SHTN1: variants seen among roughly 807,000 people sequenced by gnomAD.
SHTN1 encodes the protein shootin 1, also known as shootin-1.
Under a neutral mutation model 83.1 loss-of-function variants are expected in SHTN1, and 42 were observed. The ratio of observed to expected loss-of-function variants is 0.51; its 90% CI spans 0.39 to 0.65. The LOEUF (loss-of-function observed/expected upper bound fraction) is 0.65. Among genes scored for constraint, SHTN1 ranks in the 30% least tolerant of loss-of-function variants. The probability of loss-of-function intolerance (pLI) is 0.00; values close to 1 mark genes in which losing one functional copy is unlikely to be tolerated. For missense variants in SHTN1, 622 were observed against 737.8 expected, an observed-to-expected ratio of 0.84 and a Z score of 1.82; for synonymous variants, 224 against 247.7, an observed-to-expected ratio of 0.90 and a Z score of 0.90.
upstream of SHTN1, among the ~76,000 whole-genome samples, chr10:117,006,240 G>GTTTTTTTTTTTGT (rs11434853): frequency 6.8e-6 from 1 of 147,250 alleles, no homozygotes; most frequent in Admixed American, 6.7e-5. Flanking sequence ...GTTTTTTTTT[G>GTTTTTTTTTTTGT]TTTTTTTTTT....
At chr10:117,098,806 A>T (rs1399714643) in intron 1 of SHTN1, among the ~76,000 whole-genome samples, 6 of 152,128 alleles carry the variant, frequency 3.9e-5, no homozygotes, top group Non-Finnish European at 8.8e-5. Context: ...CCTCCTGCTG[A>T]TGGAGACACA....
chr10:116,944,633 TCACTTTGGGAG>T (rs1432383584), intron 8 of SHTN1, among the ~76,000 whole-genome samples: 3 of 151,872 alleles, frequency 2.0e-5, no homozygotes. Context: ...GCACGGTGGC[TCACTTTGGGAG>T]CACTTTGGGA....
At chr10:116,939,417 A>G (rs1002054505) in intron 9 of SHTN1, among the ~76,000 whole-genome samples, 6 of 152,114 alleles carry the variant, frequency 3.9e-5, no homozygotes, top group African/African-American at 1.2e-4. Flanking sequence ...TGGCTAGGAG[A>G]GGGAGTTCTC....
At chr10:116,996,530 C>T (rs980979712) in intron 1 of SHTN1, among the ~76,000 whole-genome samples, 12 of 152,220 alleles carry the variant, frequency 7.9e-5, no homozygotes, top group African/African-American at 2.9e-4. Context: ...CTGCCCCACT[C>T]CAGCTGAAGA....
chr10:116,967,952 G>C (rs1475750735), intron 3 of SHTN1, among the ~76,000 whole-genome samples: 1 of 152,210 alleles, frequency 6.6e-6, no homozygotes, highest in Non-Finnish European at 1.5e-5. Context: ...GGGAGGCCAA[G>C]GCAGGAGGAT....
intron 1 of SHTN1, among the ~76,000 whole-genome samples, chr10:117,122,482 T>C (rs181107272): frequency 6.5e-4 from 99 of 152,294 alleles, no homozygotes; most frequent in African/African-American, 2.3e-3. Context: ...CCTGGCCCTA[T>C]TGTCTTTTAA....
chr10:117,110,325 A>C (rs1025020362), intron 1 of SHTN1, among the ~76,000 whole-genome samples: 3 of 152,062 alleles, frequency 2.0e-5, no homozygotes, highest in Admixed American at 2.0e-4. Flanking sequence ...AATTTTTTTC[A>C]ACTTGAATTG....
chr10:116,980,764 C>T (rs1289464304), intron 1 of SHTN1, among the ~76,000 whole-genome samples: 1 of 152,106 alleles, frequency 6.6e-6, no homozygotes, highest in Non-Finnish European at 1.5e-5. Flanking sequence ...CATGGTAAAG[C>T]ACATGCCTTG....
chr10:116,948,800 A>G (rs1359775414), intron 7 of SHTN1, 116 bp downstream of exon 7: 11 of 489,362 alleles, frequency 2.2e-5, no homozygotes, highest in Non-Finnish European at 3.3e-5. Flanking sequence ...AAATCACAAT[A>G]TAGGAGAAGA....
At chr10:116,911,389 G>GA (rs770883133) in intron 14 of SHTN1, 6 of 1,403,654 alleles carry the variant, frequency 4.3e-6, no homozygotes, top group Non-Finnish European at 5.7e-6. Flanking sequence ...ATTTGGGGAG[G>GA]AATTTAGCTT....
chr10:116,935,330 A>G (rs1344274315), intron 9 of SHTN1, among the ~76,000 whole-genome samples: 1 of 152,216 alleles, frequency 6.6e-6, no homozygotes, highest in Non-Finnish European at 1.5e-5. Context: ...TTATTTTGAG[A>G]TAAGTTCCAT....
rs544155458 is a variant in SHTN1 at position 117,040,292 on chromosome 10, T to C, written c.-123+8153A>G. Among the ~76,000 whole-genome samples the C allele has an allele frequency of 3.7e-4, 57 of 152,310 alleles. 1 individual carries two copies. The South Asian group carries it at 8.9e-3, about 24-fold the overall frequency. On this transcript the variant is annotated intron_variant, in intron 2 of 17. Transcript: ENST00000392901. ...GATTTCTAGATCTGATATAAAGGTA[T>C]AGTAATTAAGGAATTATTTAAGGAT...
At chr10:117,014,180 T>C (rs982084544) in intron 2 of SHTN1, among the ~76,000 whole-genome samples, 8 of 152,110 alleles carry the variant, frequency 5.3e-5, no homozygotes, top group Non-Finnish European at 1.2e-4. Context: ...TACAAGGGAA[T>C]TTTTAGGGTG....
chr10:117,079,103 T>C (rs2133609627), intron 1 of SHTN1, among the ~76,000 whole-genome samples: 1 of 152,066 alleles, frequency 6.6e-6, no homozygotes, highest in African/African-American at 2.4e-5. Flanking sequence ...GTTACATATG[T>C]ATACATGTGC....
At chr10:116,965,089 C>G (rs187212118) in intron 3 of SHTN1, among the ~76,000 whole-genome samples, 1 of 152,274 alleles carries the variant, frequency 6.6e-6, no homozygotes, top group Non-Finnish European at 1.5e-5. Context: ...GAGGAAGGCT[C>G]AGAGAGAGCT....
intron 7 of SHTN1, among the ~76,000 whole-genome samples, chr10:116,945,772 T>C (rs981977600): frequency 6.6e-6 from 1 of 152,186 alleles, no homozygotes; most frequent in African/African-American, 2.4e-5. Context: ...AGATGACATG[T>C]CTAACATTTT....
chr10:116,938,639 G>A (rs1849255051), intron 9 of SHTN1, among the ~76,000 whole-genome samples: 1 of 152,224 alleles, frequency 6.6e-6, no homozygotes, highest in East Asian at 1.9e-4. Context: ...AGGAGGCATG[G>A]GAGTCAGGGA....
At chr10:116,901,008 C>T (rs1473070879) in intron 16 of SHTN1, 1 of 985,428 alleles carries the variant, frequency 1.0e-6, no homozygotes, top group African/African-American at 1.7e-5. Flanking sequence ...GGGGTTCTTT[C>T]TCTCTTGATA....
intron 1 of SHTN1, among the ~76,000 whole-genome samples, chr10:117,086,384 T>G (rs548102894): frequency 6.6e-6 from 1 of 152,352 alleles, no homozygotes; most frequent in African/African-American, 2.4e-5. Context: ...GTTTGCTTTA[T>G]TTTAACCACT....
Sources: gnomAD v4.1 joint callset for allele counts (sites outside exome capture counted in the v4.1 genomes callset) on GRCh38, gnomAD v4.1.1 for gene constraint, MANE v1.5 for transcripts, NCBI Gene and HGNC (gene_info 2026-07-23, HGNC 2026-07-21) for gene names.